ZMAT4: variants seen among roughly 807,000 people sequenced by gnomAD.
ZMAT4 encodes zinc finger matrin-type 4, also known as zinc finger matrin-type protein 4.
ZMAT4 carries 17 observed loss-of-function variants against 28.7 expected under a neutral mutation model. The ratio of observed to expected loss-of-function variants is 0.59; its 90% confidence interval spans 0.41 to 0.89. The LOEUF (loss-of-function observed/expected upper bound fraction) is 0.89. ZMAT4 is among the 40% of genes least tolerant of loss of function. The probability of loss-of-function intolerance (pLI) is 0.00; values close to 1 mark genes in which losing one functional copy is unlikely to be tolerated. For missense variants in ZMAT4, 240 were observed against 283.8 expected (o/e 0.85, Z 1.11); for synonymous variants, 117 against 109.2 (o/e 1.07, Z -0.44).
At chr8:40,739,733 C>A (rs1166796482) in intron 3 of ZMAT4, among the ~76,000 whole-genome samples, 1 of 152,166 alleles carries the variant, frequency 6.6e-6, no homozygotes, top group Non-Finnish European at 1.5e-5. Context: ...CACCCATCAA[C>A]CCTTCGTGTA....
intron 1 of ZMAT4, among the ~76,000 whole-genome samples, chr8:40,874,021 G>A (rs1303502329): frequency 6.6e-6 from 1 of 152,186 alleles, no homozygotes; most frequent in Non-Finnish European, 1.5e-5. Flanking sequence ...TGTGGGATTT[G>A]AGCTGCATTT....
At chr8:40,668,341 G>A (rs949135636) in intron 5 of ZMAT4, among the ~76,000 whole-genome samples, 15 of 151,714 alleles carry the variant, frequency 9.9e-5, no homozygotes, top group Admixed American at 7.2e-4. Flanking sequence ...TTGGTGGCAC[G>A]CACCTGTAGT....
intron 4 of ZMAT4, among the ~76,000 whole-genome samples, chr8:40,686,450 G>C (rs1184436441): frequency 6.6e-6 from 1 of 151,992 alleles, no homozygotes; most frequent in Non-Finnish European, 1.5e-5. Context: ...GGGTAACAGA[G>C]TGAGACCCCT....
intron 5 of ZMAT4, among the ~76,000 whole-genome samples, chr8:40,642,939 G>T (rs528188425): frequency 6.6e-6 from 1 of 152,230 alleles, no homozygotes; most frequent in Non-Finnish European, 1.5e-5. Context: ...AAAAGGGTAT[G>T]AGGAGGCAAA....
Position 40,804,604 on chromosome 8 carries a change from G to A in ZMAT4, c.102+20971C>T, listed in dbSNP as rs1814995774. On this transcript the variant is annotated intron_variant, in intron 2 of 6. Coordinates refer to ENST00000297737, the MANE Select transcript of ZMAT4 (RefSeq NM_024645.3). Reference sequence around the variant, plus strand: ...TCCTGTAATCCCAGCACTTTGGGAGGCCAAAGTGGGCAGATCACCTGAGTC... The same window carrying A: ...TCCTGTAATCCCAGCACTTTGGGAGACCAAAGTGGGCAGATCACCTGAGTC... 2.0e-5 allele frequency among the ~76,000 whole-genome samples: 3 copies of A among 152,236 alleles called. No individual in the cohort carries two copies. In the South Asian group the frequency reaches 6.2e-4, roughly 32 times the overall value.
intron 6 of ZMAT4, among the ~76,000 whole-genome samples, chr8:40,559,604 C>A (rs1035148999): frequency 6.6e-6 from 1 of 152,142 alleles, no homozygotes; most frequent in East Asian, 1.9e-4. Context: ...GAATGCCCAT[C>A]TTGTAGGTTG....
chr8:40,807,356 C>G (rs919045043), intron 2 of ZMAT4, among the ~76,000 whole-genome samples: 11 of 152,036 alleles, frequency 7.2e-5, no homozygotes, highest in Non-Finnish European at 1.5e-5. Context: ...GCAGGAGAAT[C>G]TCTAAGAACA....
intron 6 of ZMAT4, among the ~76,000 whole-genome samples, chr8:40,573,357 A>T (rs912179913): frequency 6.6e-6 from 1 of 152,182 alleles, no homozygotes; most frequent in African/African-American, 2.4e-5. Context: ...AGGCTCTAGG[A>T]GTGAATCCTT....
intron 2 of ZMAT4, among the ~76,000 whole-genome samples, chr8:40,769,254 G>GT (rs907331143): frequency 3.4e-4 from 51 of 151,912 alleles, no homozygotes; most frequent in Middle Eastern, 3.2e-3. Context: ...GTCATCTGGA[G>GT]TTTTTTTTGT....
chr8:40,625,030 T>C (rs1806321592), intron 5 of ZMAT4, among the ~76,000 whole-genome samples: 1 of 152,064 alleles, frequency 6.6e-6, no homozygotes, highest in Non-Finnish European at 1.5e-5. Flanking sequence ...TTATCCAGAG[T>C]GTTGAGAAGG....
chr8:40,559,138 AGTCCT>A (rs1803647410), intron 6 of ZMAT4, among the ~76,000 whole-genome samples: 1 of 152,156 alleles, frequency 6.6e-6, no homozygotes, highest in Non-Finnish European at 1.5e-5. Flanking sequence ...TGACTAACTG[AGTCCT>A]CCTGTTCTAC....
chr8:40,799,079 CTGGA>C (rs59636035), intron 2 of ZMAT4, among the ~76,000 whole-genome samples: 20,105 of 150,178 alleles, frequency 0.13, 1,885 homozygotes, highest in East Asian at 0.34. Context: ...GGCTGGCTGG[CTGGA>C]TGGATGGATG....
At chr8:40,777,270 T>C (rs779120299) in intron 2 of ZMAT4, among the ~76,000 whole-genome samples, 29 of 152,248 alleles carry the variant, frequency 1.9e-4, no homozygotes, top group Non-Finnish European at 3.5e-4. Flanking sequence ...ACACTATGTT[T>C]TGGGAAGGTT....
At chr8:40,800,028 G>A (rs1814770085) in intron 2 of ZMAT4, among the ~76,000 whole-genome samples, 2 of 152,120 alleles carry the variant, frequency 1.3e-5, no homozygotes, top group Admixed American at 1.3e-4. Context: ...AAAAGCAAGG[G>A]CAACAGATAG....
chr8:40,676,769 A>G (rs1808927455), intron 4 of ZMAT4, among the ~76,000 whole-genome samples: 1 of 152,202 alleles, frequency 6.6e-6, no homozygotes, highest in Non-Finnish European at 1.5e-5. Flanking sequence ...AGGGACTCAC[A>G]AACAGTACGC....
intron 1 of ZMAT4, among the ~76,000 whole-genome samples, chr8:40,891,376 G>A (rs1309835747): frequency 4.0e-5 from 6 of 151,670 alleles, no homozygotes; most frequent in African/African-American, 1.5e-4. Context: ...TATCCCTTGG[G>A]TTCTCTCCAT....
chr8:40,710,665 G>A (rs904099249), intron 3 of ZMAT4, among the ~76,000 whole-genome samples: 2 of 151,870 alleles, frequency 1.3e-5, no homozygotes, highest in Non-Finnish European at 2.9e-5. Flanking sequence ...ACATGATCCT[G>A]GAATATCTTG....
At chr8:40,766,871 A>T (rs1313068295) in intron 3 of ZMAT4, among the ~76,000 whole-genome samples, 1 of 152,256 alleles carries the variant, frequency 6.6e-6, no homozygotes, top group African/African-American at 2.4e-5. Flanking sequence ...CAAGATCACA[A>T]GCACACGGAT....
intron 3 of ZMAT4, among the ~76,000 whole-genome samples, chr8:40,758,978 A>G (rs1025855766): frequency 1.3e-5 from 2 of 152,176 alleles, no homozygotes; most frequent in African/African-American, 4.8e-5. Context: ...GCCCTTTGGA[A>G]TGGTATCTGA....
Sources: allele counts gnomAD v4.1 joint callset (sites outside exome capture counted in the v4.1 genomes callset), GRCh38; gene constraint gnomAD v4.1.1; transcripts MANE v1.5; gene names NCBI Gene and HGNC (gene_info 2026-07-23, HGNC 2026-07-21).